The following PALLD variants were observed in gnomAD, a reference collection of about 807,000 sequenced individuals.
The protein encoded by PALLD is palladin.
PALLD carries 61 observed loss-of-function variants against 123.5 expected under a neutral mutation model. That is an observed-to-expected ratio of 0.49 (90% CI 0.40 to 0.61). PALLD has a LOEUF of 0.61. Ranked by LOEUF, PALLD falls within the 20% of genes least tolerant of loss-of-function variation. The probability of loss-of-function intolerance (pLI) is 0.00; values close to 1 mark genes in which losing one functional copy is unlikely to be tolerated. For synonymous variants in PALLD, 465 were observed against 496.4 expected (o/e 0.94, Z 0.84); for missense variants, 1,273 against 1,377.0 (o/e 0.92, Z 1.20).
At chr4:168,606,092 A>C (rs1773139083) in intron 2 of PALLD, among the ~76,000 whole-genome samples, 1 of 152,182 alleles carries the variant, frequency 6.6e-6, no homozygotes, top group African/African-American at 2.4e-5. Flanking sequence ...CTTGCCTGTA[A>C]AGTGAATTAG....
chr4:168,922,140 C>T (rs1353504355), intron 18 of PALLD, among the ~76,000 whole-genome samples: 4 of 129,630 alleles, frequency 3.1e-5, no homozygotes, highest in Non-Finnish European at 5.2e-5. Context: ...CACACACACA[C>T]ACACCTGGTT....
intron 2 of PALLD, chr4:168,537,544 T>C (rs983678938): frequency 2.0e-5 from 3 of 152,222 alleles, no homozygotes; most frequent in African/African-American, 4.8e-5. Context: ...AGAAATCTTA[T>C]AATTATCTTA....
chr4:168,713,277 A>G (rs1785013221), intron 10 of PALLD, among the ~76,000 whole-genome samples: 1 of 152,236 alleles, frequency 6.6e-6, no homozygotes, highest in African/African-American at 2.4e-5. Flanking sequence ...GAGCTAAAAA[A>G]TGGTGTCCTT....
intron 17 of PALLD, among the ~76,000 whole-genome samples, chr4:168,916,724 A>G (rs1253014996): frequency 7.4e-6 from 1 of 135,630 alleles, no homozygotes; most frequent in Non-Finnish European, 1.5e-5. Flanking sequence ...CTCTGTCACC[A>G]GGCTGGAGTG....
intron 10 of PALLD, among the ~76,000 whole-genome samples, chr4:168,884,527 C>T (rs1281807961): frequency 6.6e-6 from 1 of 152,220 alleles, no homozygotes; most frequent in African/African-American, 2.4e-5. Flanking sequence ...CAGTCATCTG[C>T]TCATACTTCT....
chr4:168,656,718 A>T (rs1778614151), intron 2 of PALLD, among the ~76,000 whole-genome samples: 1 of 152,242 alleles, frequency 6.6e-6, no homozygotes, highest in African/African-American at 2.4e-5. Flanking sequence ...TGTGGGGGGA[A>T]ATCCAGTATT....
rs540988925 is a variant in PALLD, at chr4:168,888,572, G to A, written c.1965-2350G>A. Among the ~76,000 whole-genome samples, 60 of 152,296 alleles carry A rather than the reference G, an allele frequency of 3.9e-4. No homozygotes were observed. The South Asian group carries it at 0.012, about 32-fold the overall frequency. On this transcript the variant is annotated intron_variant, in intron 10 of 21. Transcript: ENST00000505667. The stretch of plus-strand genomic sequence containing the variant: ...GACACAGTGATATCCAGTGAAAGAA[G>A]AGGGGCATTTCTTCCTTCTGTTTCT...
intron 10 of PALLD, among the ~76,000 whole-genome samples, chr4:168,734,334 A>T (rs1007099263): frequency 1.1e-4 from 16 of 152,020 alleles, no homozygotes; most frequent in Non-Finnish European, 2.1e-4. Context: ...AGCCAGCTAC[A>T]TCCTGCTGAC....
In PALLD at chr4:168,746,380, C is replaced by CAAAAAAAAAAAAAAAAA. The variant is rs747755592; in HGVS notation, c.1964+34471_1964+34487dup. Among the ~76,000 whole-genome samples the CAAAAAAAAAAAAAAAAA allele has an allele frequency of 1.2e-3, 44 of 37,018 alleles. 4 individuals carry two copies. The highest frequency in any genetic ancestry group is 3.2e-3 in the African/African-American group (41 of 12,930). The allele number at this position is 37,018 out of a possible 152,430, so 24.3% of individuals were successfully genotyped here. ...TGGGCGACAGAGCGAGAACCCGTCT[C>CAAAAAAAAAAAAAAAAA]AAAAAAAAAAAAAAAAAAAAAAAAA... is the stretch of plus-strand genomic sequence containing the variant. On this transcript the variant is annotated intron_variant, in intron 10 of 21. Transcript: ENST00000505667.
rs372169379 is a variant in PALLD at position 168,627,517 on chromosome 4, T to C, written c.909-40673T>C. The stretch of plus-strand genomic sequence containing the variant: ...AGAGTGAGACTCTGTCTCCAACATA[T>C]AGATAGATAGATAAATAGATAGATA... On this transcript the variant is annotated intron_variant, in intron 2 of 21. Coordinates refer to ENST00000505667, the MANE Select transcript of PALLD (RefSeq NM_001166108.2). 1.7e-4 allele frequency among the ~76,000 whole-genome samples: 26 copies of C among 151,942 alleles called. No homozygotes were observed. In the East Asian group the frequency reaches 1.9e-3, roughly 11 times the overall value.
intron 10 of PALLD, among the ~76,000 whole-genome samples, chr4:168,729,869 A>G (rs1004379163): frequency 6.6e-6 from 1 of 152,186 alleles, no homozygotes; most frequent in Non-Finnish European, 1.5e-5. Flanking sequence ...GTTTTTCCTA[A>G]GAACGTTGAA....
chr4:168,768,885 G>A (rs1242167286), intron 10 of PALLD, among the ~76,000 whole-genome samples: 3 of 145,524 alleles, frequency 2.1e-5, no homozygotes, highest in Middle Eastern at 7.0e-3. Flanking sequence ...TTGGCTGGCA[G>A]TGATGCCATC....
At chr4:168,920,032 G>C (rs1391966400) in intron 17 of PALLD, among the ~76,000 whole-genome samples, 1 of 152,152 alleles carries the variant, frequency 6.6e-6, no homozygotes, top group Non-Finnish European at 1.5e-5. Flanking sequence ...GTCAGTAGAT[G>C]GCTTATCTAG....
At chr4:168,798,687 A>C (rs143872731) in intron 10 of PALLD, among the ~76,000 whole-genome samples, 57 of 152,360 alleles carry the variant, frequency 3.7e-4, no homozygotes, top group African/African-American at 1.3e-3. Context: ...ACCGTATTGT[A>C]AACTGATTTT....
chr4:168,685,627 C>T lies in PALLD; in HGVS notation c.1335+68C>T, dbSNP rs7692592. ...CTTAAATTTCATTTACATGTGGCTT[C>T]GTGTAGCAATCTTTAAAAATTAAAA... On this transcript the variant is annotated intron_variant, in intron 6 of 21. Coordinates refer to ENST00000505667, the MANE Select transcript of PALLD (RefSeq NM_001166108.2). The T allele has an allele frequency of 4.2e-3, 4,262 of 1,006,260 alleles. 120 individuals carry two copies. In the African/African-American group the frequency reaches 0.061, roughly 14 times the overall value. 62.3% of individuals were successfully genotyped at this position (1,006,260 alleles called of 1,614,324 possible).
chr4:168,786,304 G>A (rs916743136), intron 10 of PALLD, among the ~76,000 whole-genome samples: 1 of 152,080 alleles, frequency 6.6e-6, no homozygotes, highest in African/African-American at 2.4e-5. Context: ...CTCCAGCCTG[G>A]CAACAGAGTG....
intron 2 of PALLD, among the ~76,000 whole-genome samples, chr4:168,567,195 C>T (rs535085719): frequency 6.6e-6 from 1 of 152,196 alleles, no homozygotes; most frequent in African/African-American, 2.4e-5. Context: ...AACTAAAAAG[C>T]TTCTGCACAG....
At position 168,538,164 on chromosome 4, in the gene PALLD, A is replaced by G. The variant is rs534838151; in HGVS notation, c.908+25752A>G. On this transcript the variant is annotated intron_variant, in intron 2 of 21. Coordinates refer to ENST00000505667, the MANE Select transcript of PALLD (RefSeq NM_001166108.2). ...AAGTAGGGTATTAAGTAGGATTTTA[A>G]AAATAAGTAGAAGCAAAACGGGAAT... 2.6e-5 allele frequency among the ~76,000 whole-genome samples: 4 copies of G among 152,348 alleles called. No homozygotes were observed. The South Asian group carries it at 8.3e-4, about 32-fold the overall frequency.
chr4:168,650,188 G>GA (rs1276622743), intron 2 of PALLD, among the ~76,000 whole-genome samples: 3 of 151,106 alleles, frequency 2.0e-5, no homozygotes, highest in Non-Finnish European at 3.0e-5. Context: ...GAAAAGAAAA[G>GA]AAAAAAAAGA....
Sources: allele counts gnomAD v4.1 joint callset (sites outside exome capture counted in the v4.1 genomes callset), GRCh38; gene constraint gnomAD v4.1.1; transcripts MANE v1.5; gene names NCBI Gene and HGNC (gene_info 2026-07-23, HGNC 2026-07-21).